Variants in NEGR1 observed in about 807,000 individuals in gnomAD.
The protein encoded by NEGR1 is neuronal growth regulator 1.
NEGR1 carries 10 observed loss-of-function variants against 40.9 expected under a neutral mutation model. That is an observed-to-expected ratio of 0.24 (90% CI 0.15 to 0.42). The LOEUF (loss-of-function observed/expected upper bound fraction) is 0.42. Among genes scored for constraint, NEGR1 ranks in the 10% least tolerant of loss-of-function variants. NEGR1 has a pLI of 1.00. For missense variants in NEGR1, 352 were observed against 438.9 expected, an observed-to-expected ratio of 0.80 and a Z score of 1.77; for synonymous variants, 185 against 166.8, an observed-to-expected ratio of 1.11 and a Z score of -0.84.
At chr1:71,851,084 G>A (rs1169470802) in intron 2 of NEGR1, among the ~76,000 whole-genome samples, 3 of 152,166 alleles carry the variant, frequency 2.0e-5, no homozygotes, top group Non-Finnish European at 4.4e-5. Flanking sequence ...AGTAGAGAAG[G>A]ATTTTTCCTA....
chr1:72,038,915 T>C (rs947925526), intron 1 of NEGR1, among the ~76,000 whole-genome samples: 1 of 151,926 alleles, frequency 6.6e-6, no homozygotes, highest in Non-Finnish European at 1.5e-5. Context: ...AACAATGATA[T>C]GAGTCAGATT....
At chr1:72,187,711 C>G (rs1395687219) in intron 1 of NEGR1, among the ~76,000 whole-genome samples, 1 of 151,358 alleles carries the variant, frequency 6.6e-6, no homozygotes, top group Non-Finnish European at 1.5e-5. Flanking sequence ...ATAATAGCAG[C>G]TATCATGTCC....
chr1:72,178,890 T>TA (rs1652266161), intron 1 of NEGR1, among the ~76,000 whole-genome samples: 1 of 151,888 alleles, frequency 6.6e-6, no homozygotes, highest in Non-Finnish European at 1.5e-5. Context: ...CTCATTTTTT[T>TA]AATGGGGTTG....
At chr1:71,525,832 T>C (rs992630142) in intron 6 of NEGR1, among the ~76,000 whole-genome samples, 2 of 151,824 alleles carry the variant, frequency 1.3e-5, no homozygotes, top group South Asian at 4.1e-4. Flanking sequence ...ATCAGTCATT[T>C]TAATACTTAT....
At chr1:71,730,569 T>TATATATATATATATATA (rs1553161610) in intron 3 of NEGR1, among the ~76,000 whole-genome samples, 24 of 134,708 alleles carry the variant, frequency 1.8e-4, no homozygotes, top group Admixed American at 3.0e-4. Flanking sequence ...TAGTATAAAT[T>TATATATATATATATATA]TATATATATA....
At chr1:72,030,671 A>G (rs1646849842) in intron 1 of NEGR1, among the ~76,000 whole-genome samples, 2 of 147,720 alleles carry the variant, frequency 1.4e-5, no homozygotes, top group African/African-American at 5.4e-5. Flanking sequence ...GCAGAAAGAT[A>G]AAAAAAAGTA....
At chr1:72,139,207 G>T (rs1650580269) in intron 1 of NEGR1, among the ~76,000 whole-genome samples, 1 of 149,538 alleles carries the variant, frequency 6.7e-6, no homozygotes, top group South Asian at 2.1e-4. Context: ...TTTAGAAAGG[G>T]TCTGAACCAA....
At chr1:72,257,085 G>A (rs1327799952) in intron 1 of NEGR1, among the ~76,000 whole-genome samples, 1 of 152,078 alleles carries the variant, frequency 6.6e-6, no homozygotes, top group Non-Finnish European at 1.5e-5. Flanking sequence ...CACTTTGGGA[G>A]GCCGAGGCGG....
chr1:71,544,322 G>A (rs542210615), intron 6 of NEGR1, among the ~76,000 whole-genome samples: 1 of 151,742 alleles, frequency 6.6e-6, no homozygotes, highest in Non-Finnish European at 1.5e-5. Context: ...GCAAACCTTG[G>A]GTTTGGGAAC....
intron 2 of NEGR1, among the ~76,000 whole-genome samples, chr1:71,830,332 T>C (rs1275266768): frequency 6.6e-6 from 1 of 151,966 alleles, no homozygotes; most frequent in Non-Finnish European, 1.5e-5. Flanking sequence ...GGGCTAATAG[T>C]AAATATTTTC....
chr1:71,505,513 C>T (rs1232988280), intron 6 of NEGR1, among the ~76,000 whole-genome samples: 3 of 152,062 alleles, frequency 2.0e-5, no homozygotes, highest in African/African-American at 4.8e-5. Flanking sequence ...AATCTCCTGA[C>T]CTCGTGATCC....
chr1:71,421,644 G>A (rs1441735567), intron 6 of NEGR1, among the ~76,000 whole-genome samples: 1 of 151,868 alleles, frequency 6.6e-6, no homozygotes, highest in African/African-American at 2.4e-5. Flanking sequence ...ACAATTAATA[G>A]GAACATTTGG....
At chr1:71,982,019 T>G (rs979360029) in intron 1 of NEGR1, among the ~76,000 whole-genome samples, 3 of 152,186 alleles carry the variant, frequency 2.0e-5, no homozygotes, top group Non-Finnish European at 4.4e-5. Flanking sequence ...TTTTTGTTTT[T>G]GCATCCAATG....
rs1289224067 is a variant in NEGR1 at position 71,563,620 on chromosome 1, G to A, written c.940+29197C>T. Among the ~76,000 whole-genome samples, 5 of 151,958 alleles carry A rather than the reference G, an allele frequency of 3.3e-5. No homozygotes were observed. The East Asian group carries it at 9.7e-4, about 29-fold the overall frequency. On this transcript the variant is annotated intron_variant, in intron 6 of 6. Coordinates refer to ENST00000357731, the MANE Select transcript of NEGR1 (RefSeq NM_173808.3). ...AAGAGCACAAAAATGGTAAAGACAT[G>A]AGCCTGCAGATATGTAAGAGAAAGA...
At chr1:71,449,874 A>T (rs944338626) in intron 6 of NEGR1, among the ~76,000 whole-genome samples, 1 of 151,542 alleles carries the variant, frequency 6.6e-6, no homozygotes, top group Admixed American at 6.6e-5. Flanking sequence ...GATTTTTATA[A>T]TTTTTCTTGG....
chr1:72,121,323 A>G (rs1649797467), intron 1 of NEGR1, among the ~76,000 whole-genome samples: 1 of 152,028 alleles, frequency 6.6e-6, no homozygotes, highest in South Asian at 2.1e-4. Context: ...TTCCAAGAAG[A>G]CAATACTATA....
chr1:72,118,965 G>T (rs1428597355), intron 1 of NEGR1, among the ~76,000 whole-genome samples: 1 of 150,898 alleles, frequency 6.6e-6, no homozygotes, highest in Non-Finnish European at 1.5e-5. Context: ...CATTTTTCTG[G>T]TTATTGGTGA....
At chr1:72,187,725 A>G (rs1279898276) in intron 1 of NEGR1, among the ~76,000 whole-genome samples, 2 of 151,410 alleles carry the variant, frequency 1.3e-5, no homozygotes, top group Non-Finnish European at 3.0e-5. Context: ...CATGTCCTGG[A>G]CCACAGGCCA....
intron 1 of NEGR1, among the ~76,000 whole-genome samples, chr1:72,276,927 T>C (rs147175062): frequency 5.9e-4 from 90 of 152,204 alleles, no homozygotes; most frequent in African/African-American, 2.1e-3. Context: ...CAGTGGTTAG[T>C]AACATCAGGA....
Sources: allele counts gnomAD v4.1 joint callset (sites outside exome capture counted in the v4.1 genomes callset), GRCh38; gene constraint gnomAD v4.1.1; transcripts MANE v1.5; gene names NCBI Gene and HGNC (gene_info 2026-07-23, HGNC 2026-07-21).